Variants in NALCN observed in about 807,000 individuals in gnomAD.
The protein encoded by NALCN is sodium leak channel NALCN.
NALCN carries 111 observed loss-of-function variants against 225.3 expected under a neutral mutation model. The ratio of observed to expected loss-of-function variants is 0.49; its 90% CI spans 0.42 to 0.58. The LOEUF (loss-of-function observed/expected upper bound fraction) is 0.58, where lower values mean the gene tolerates loss of function less well. Ranked by LOEUF, NALCN falls within the 20% of genes least tolerant of loss-of-function variation. NALCN has a pLI of 0.00. For synonymous variants in NALCN, 764 were observed against 769.0 expected (o/e 0.99, Z 0.11); for missense variants, 1,378 against 2,202.4 (o/e 0.63, Z 7.49).
intron 15 of NALCN, among the ~76,000 whole-genome samples, chr13:101,146,564 C>A (rs2037354806): frequency 6.6e-6 from 1 of 152,116 alleles, no homozygotes. Flanking sequence ...AAATACTTGT[C>A]AGTGGTAAAT....
In NALCN at chr13:101,180,373, T is replaced by C. The variant is rs1036719479; in HGVS notation, c.1765-3999A>G. ...GGCACCTACCACCATGCCTGGCTACTTTTTTTTTTTTTTTTATTTTTTGTA... is the reference window on the plus strand; with the variant it reads ...GGCACCTACCACCATGCCTGGCTACCTTTTTTTTTTTTTTTATTTTTTGTA... On this transcript the variant is annotated intron_variant, in intron 14 of 43. Transcript: ENST00000251127. The C allele has an allele frequency of 8.8e-4, 105 of 119,802 alleles. 1 individual carries two copies. The highest frequency in any genetic ancestry group is 3.0e-3 in the African/African-American group (101 of 33,600). The allele number at this position is 119,802 out of a possible 1,614,324, so 7.4% of individuals were successfully genotyped here.
At chr13:101,130,523 T>C (rs2036467170) in intron 17 of NALCN, among the ~76,000 whole-genome samples, 1 of 152,210 alleles carries the variant, frequency 6.6e-6, no homozygotes, top group African/African-American at 2.4e-5. Context: ...TACAGGTTCA[T>C]TGAAACAAGA....
intron 7 of NALCN, among the ~76,000 whole-genome samples, chr13:101,308,880 A>G (rs1486388776): frequency 1.3e-5 from 2 of 152,124 alleles, no homozygotes; most frequent in African/African-American, 4.8e-5. Context: ...GCATACCAAG[A>G]CACAGAAATT....
intron 11 of NALCN, among the ~76,000 whole-genome samples, chr13:101,240,690 C>T (rs1254430143): frequency 6.6e-6 from 1 of 152,064 alleles, no homozygotes; most frequent in Non-Finnish European, 1.5e-5. Flanking sequence ...AAAGTTTCTT[C>T]AGCGTTCATA....
At chr13:101,091,597 T>C (rs1381256059) in intron 28 of NALCN, among the ~76,000 whole-genome samples, 2 of 152,324 alleles carry the variant, frequency 1.3e-5, no homozygotes, top group Middle Eastern at 3.4e-3. Context: ...AGTACAAATA[T>C]ATTCTTTTGG....
intron 9 of NALCN, among the ~76,000 whole-genome samples, chr13:101,291,435 T>C (rs1440930315): frequency 6.6e-6 from 1 of 152,214 alleles, no homozygotes; most frequent in African/African-American, 2.4e-5. Context: ...ATCTTGGTTT[T>C]GTATCAAAAC....
intron 22 of NALCN, 36 bp downstream of exon 22, chr13:101,107,451 C>T (rs1195307199): frequency 1.9e-6 from 3 of 1,613,270 alleles, no homozygotes; most frequent in East Asian, 4.5e-5. Context: ...TTGCATGGCT[C>T]AGGCCAAACA....
intron 36 of NALCN, 24 bp from the exon 37 acceptor site, chr13:101,073,701 C>T: frequency 6.3e-7 from 1 of 1,585,918 alleles, no homozygotes; most frequent in Non-Finnish European, 8.6e-7. Context: ...AAAAAATTAA[C>T]AGAATGTGAA....
In NALCN at chr13:101,292,421, G is replaced by T; in HGVS notation, c.800-55C>A. On this transcript the variant is annotated intron_variant, in intron 7 of 43. Coordinates refer to ENST00000251127, the MANE Select transcript of NALCN (RefSeq NM_052867.4). This position sits in a 1 kb window ranked among gnomAD's most constrained non-coding sequence, Gnocchi z 4.3. ...CACAGCTGACTTTTGAAATAAGAAA[G>T]CATTTTCCAGAAAAACAATCAATAT... is the stretch of plus-strand genomic sequence containing the variant. The T allele has an allele frequency of 6.6e-7, 1 of 1,523,268 alleles. No homozygotes were observed. The highest frequency in any genetic ancestry group is 1.2e-5 in the South Asian group (1 of 80,658). 94.4% of individuals were successfully genotyped at this position (1,523,268 alleles called of 1,614,324 possible). A position where few individuals can be genotyped will look rare whatever the true frequency, so the allele number is the denominator to read the frequency against.
chr13:101,079,828 C>T (rs2033506881), intron 34 of NALCN, among the ~76,000 whole-genome samples: 1 of 152,174 alleles, frequency 6.6e-6, no homozygotes, highest in South Asian at 2.1e-4. Flanking sequence ...CTGAAGGTAA[C>T]CACTGGTTTA....
intron 1 of NALCN, among the ~76,000 whole-genome samples, chr13:101,415,082 T>C (rs914278954): frequency 6.6e-6 from 1 of 151,030 alleles, no homozygotes; most frequent in Admixed American, 6.6e-5. Flanking sequence ...TGTGGAAACC[T>C]TATCTTTGAA....
rs556115106 is a variant in NALCN, at chr13:101,243,274, C to A, written c.1267-5352G>T. 1.9e-5 allele frequency among the ~76,000 whole-genome samples: 2 copies of A among 103,236 alleles called. 1 individual carries two copies. The highest frequency in any genetic ancestry group is 7.0e-5 in the African/African-American group (2 of 28,552). The allele number at this position is 103,236 out of a possible 152,430, so 67.7% of individuals were successfully genotyped here. A position where few individuals can be genotyped will look rare whatever the true frequency, so the allele number is the denominator to read the frequency against. The stretch of plus-strand genomic sequence containing the variant: ...GAGTTATTTTTTCCTGCTTCATCTC[C>A]CATATTAAAAACTAGCTCTCAAGGA... On this transcript the variant is annotated intron_variant, in intron 11 of 43. Coordinates refer to ENST00000251127, the MANE Select transcript of NALCN (RefSeq NM_052867.4).
chr13:101,122,012 A>G (rs1281097326), intron 18 of NALCN, among the ~76,000 whole-genome samples: 2 of 137,438 alleles, frequency 1.5e-5, no homozygotes. Context: ...TTTAGCTGTT[A>G]TTGTTCCTTG....
At chr13:101,337,931 C>G (rs538385237) in intron 7 of NALCN, among the ~76,000 whole-genome samples, 25 of 152,278 alleles carry the variant, frequency 1.6e-4, no homozygotes, top group African/African-American at 5.5e-4. Context: ...CTCATTCTCC[C>G]CACTCATCAG....
At chr13:101,307,632 G>A (rs773134086) in intron 7 of NALCN, among the ~76,000 whole-genome samples, 3 of 152,156 alleles carry the variant, frequency 2.0e-5, no homozygotes, top group African/African-American at 7.2e-5. Flanking sequence ...TATACTTTGT[G>A]AGAGCAAAAA....
rs1240502828 is a variant in NALCN, at chr13:101,054,241, T to TTAAG, written c.*1050_*1053dup. The TTAAG allele has an allele frequency of 9.9e-5, 15 of 152,062 alleles. No homozygotes were observed. The highest frequency in any genetic ancestry group is 3.3e-4 in the Admixed American group (5 of 15,262). The allele number at this position is 152,062 out of a possible 1,614,324, so 9.4% of individuals were successfully genotyped here. On this transcript the variant is annotated 3_prime_UTR_variant, in exon 44 of 44. Coordinates refer to ENST00000251127, the MANE Select transcript of NALCN (RefSeq NM_052867.4). Reference sequence around the variant, plus strand: ...GAAAAAAAACAAAAACAAAAAACGATTAAGTAAGTTGTGTGATCCCTAACC... The same window carrying TTAAG: ...GAAAAAAAACAAAAACAAAAAACGATTAAGTAAGTAAGTTGTGTGATCCCTAACC...
rs9557597 is a variant in NALCN at position 101,210,233 on chromosome 13, T to C, written c.1627-18179A>G. On this transcript the variant is annotated intron_variant, in intron 13 of 43. Transcript: ENST00000251127. The stretch of plus-strand genomic sequence containing the variant: ...TCAGCCAGATGCATGCTCACACACG[T>C]ACACACATTATGCTTTATCCCATCA... 1.6e-3 allele frequency among the ~76,000 whole-genome samples: 236 copies of C among 152,256 alleles called. 5 individuals are homozygous for C. In the East Asian group the frequency reaches 0.036, roughly 23 times the overall value.
intron 10 of NALCN, among the ~76,000 whole-genome samples, chr13:101,279,005 T>C (rs1281719617): frequency 3.9e-5 from 6 of 152,204 alleles, no homozygotes; most frequent in Non-Finnish European, 7.3e-5. Flanking sequence ...TCTCGGTTAA[T>C]AAACATAATT....
At chr13:101,185,870 A>G (rs576694788) in intron 14 of NALCN, among the ~76,000 whole-genome samples, 1 of 152,370 alleles carries the variant, frequency 6.6e-6, no homozygotes, top group East Asian at 1.9e-4. Flanking sequence ...GACACATCAG[A>G]GCTTGTATGT....
Sources: gnomAD v4.1 joint callset for allele counts (sites outside exome capture counted in the v4.1 genomes callset) on GRCh38, gnomAD v4.1.1 for gene constraint, Gnocchi (gnomAD v3.1) non-coding constraint, MANE v1.5 for transcripts, NCBI Gene and HGNC (gene_info 2026-07-23, HGNC 2026-07-21) for gene names.